Variants in LRP1B observed in about 807,000 individuals in gnomAD.
The protein encoded by LRP1B is LDL receptor related protein 1B, also known as low-density lipoprotein receptor-related protein 1B.
LRP1B carries 217 observed loss-of-function variants against 556.6 expected under a neutral mutation model. That is an observed-to-expected ratio of 0.39 (90% CI 0.35 to 0.44). The LOEUF is 0.44. LRP1B is among the 20% of genes least tolerant of loss of function. LRP1B has a pLI of 1.00. For missense variants in LRP1B, 5,053 were observed against 5,620.8 expected (o/e 0.90, Z 3.23); for synonymous variants, 2,047 against 1,865.8 (o/e 1.10, Z -2.50).
intron 29 of LRP1B, among the ~76,000 whole-genome samples, chr2:140,846,541 G>C (rs929340825): frequency 2.6e-5 from 4 of 151,886 alleles, no homozygotes; most frequent in Non-Finnish European, 5.9e-5. Context: ...TGGGAAATAA[G>C]AGCAAAACTA....
At chr2:140,775,075 T>C (rs1334027705) in intron 33 of LRP1B, among the ~76,000 whole-genome samples, 2 of 152,102 alleles carry the variant, frequency 1.3e-5, no homozygotes, top group Non-Finnish European at 2.9e-5. Flanking sequence ...AGTTATTAAT[T>C]TTTTATGAAT....
intron 84 of LRP1B, among the ~76,000 whole-genome samples, chr2:140,286,416 GC>G (rs1683155161): frequency 1.3e-5 from 2 of 151,954 alleles, no homozygotes; most frequent in East Asian, 1.9e-4. Context: ...CAATGAGAGA[GC>G]CCTTGGACAT....
intron 66 of LRP1B, among the ~76,000 whole-genome samples, chr2:140,406,378 T>G (rs1684738006): frequency 6.6e-6 from 1 of 151,928 alleles, no homozygotes. Flanking sequence ...AAAGGACATC[T>G]AAATTAGAAA....
chr2:141,284,193 A>G (rs765148746), intron 3 of LRP1B, among the ~76,000 whole-genome samples: 14 of 152,230 alleles, frequency 9.2e-5, no homozygotes, highest in Non-Finnish European at 1.8e-4. Flanking sequence ...GGACTAGCTC[A>G]CAGATGGATT....
intron 41 of LRP1B, among the ~76,000 whole-genome samples, chr2:140,686,795 TAGGA>T (rs1276504710): frequency 6.6e-6 from 1 of 151,890 alleles, no homozygotes; most frequent in East Asian, 1.9e-4. Context: ...TGTCCATCGA[TAGGA>T]AGGAAGTTTC....
chr2:140,275,823 A>G lies in LRP1B; in HGVS notation c.12968-1225T>C, dbSNP rs192867719. On this transcript the variant is annotated intron_variant, in intron 84 of 90. Transcript: ENST00000389484. ...AGCGTCACAGACGATTTTCTCAACT[A>G]GGAAGGAACACTTCACCCAAATATT... 1.4e-3 allele frequency among the ~76,000 whole-genome samples: 218 copies of G among 152,114 alleles called. 3 individuals carry two copies. The highest frequency in any genetic ancestry group is 2.0e-3 in the Non-Finnish European group (133 of 67,950).
chr2:140,989,505 T>C, intron 17 of LRP1B, 27 bp downstream of exon 17: 1 of 1,611,470 alleles, frequency 6.2e-7, no homozygotes, highest in Non-Finnish European at 8.5e-7. Context: ...GGAGGAGATT[T>C]ACGTGTATAT....
intron 7 of LRP1B, among the ~76,000 whole-genome samples, chr2:141,123,251 T>TA (rs1701111671): frequency 4.8e-5 from 7 of 144,702 alleles, no homozygotes; most frequent in South Asian, 2.2e-4. Context: ...TAAAAAAAAA[T>TA]AAATAAATAA....
intron 15 of LRP1B, among the ~76,000 whole-genome samples, chr2:140,996,044 T>A (rs1410043262): frequency 6.6e-6 from 1 of 151,950 alleles, no homozygotes; most frequent in Non-Finnish European, 1.5e-5. Flanking sequence ...AGGGATAAAA[T>A]CCTTTGTGTC....
intron 2 of LRP1B, among the ~76,000 whole-genome samples, chr2:141,751,598 T>C (rs1288637649): frequency 6.6e-6 from 1 of 152,032 alleles, no homozygotes; most frequent in Non-Finnish European, 1.5e-5. Context: ...TAAATCTAAC[T>C]ATATCACAAG....
At chr2:141,195,636 A>G (rs1033945526) in intron 6 of LRP1B, among the ~76,000 whole-genome samples, 1 of 152,158 alleles carries the variant, frequency 6.6e-6, no homozygotes, top group Admixed American at 6.6e-5. Flanking sequence ...GAAATTATCC[A>G]TCATGCAGCT....
intron 60 of LRP1B, among the ~76,000 whole-genome samples, chr2:140,474,689 G>A (rs1216906119): frequency 6.6e-6 from 1 of 151,768 alleles, no homozygotes; most frequent in Non-Finnish European, 1.5e-5. Flanking sequence ...AATTATTGTT[G>A]CTGCTGTGAT....
intron 41 of LRP1B, among the ~76,000 whole-genome samples, chr2:140,643,010 G>A (rs1684357595): frequency 6.6e-6 from 1 of 151,864 alleles, no homozygotes; most frequent in Non-Finnish European, 1.5e-5. Context: ...TGTTTTAAAG[G>A]GGTTGTGAAC....
chr2:142,029,273 C>T (rs1261329695), intron 1 of LRP1B, among the ~76,000 whole-genome samples: 1 of 151,808 alleles, frequency 6.6e-6, no homozygotes, highest in Non-Finnish European at 1.5e-5. Flanking sequence ...TATCACTGCC[C>T]ATTTGTTAGA....
chr2:140,476,112 T>C (rs941184906), intron 59 of LRP1B, among the ~76,000 whole-genome samples: 3 of 152,030 alleles, frequency 2.0e-5, no homozygotes, highest in Non-Finnish European at 4.4e-5. Context: ...CCCGATAAAA[T>C]GCAAATAACG....
intron 1 of LRP1B, among the ~76,000 whole-genome samples, chr2:141,917,016 T>A (rs1169887018): frequency 6.6e-6 from 1 of 152,176 alleles, no homozygotes; most frequent in Non-Finnish European, 1.5e-5. Flanking sequence ...CATTTAAAAA[T>A]TTTAAACCTT....
rs777407898 is a variant in LRP1B at position 141,480,765 on chromosome 2, A to T, written c.206-232T>A. ...TTTTTTCAAATAACGCATTAAAAAC[A>T]TAAATATTCTTTTCAACCATTAAAA... On this transcript the variant is annotated intron_variant, in intron 2 of 90. Coordinates refer to ENST00000389484, the MANE Select transcript of LRP1B (RefSeq NM_018557.3). Among the ~76,000 whole-genome samples, 3 of 152,342 alleles carry T rather than the reference A, an allele frequency of 2.0e-5. No individual in the cohort carries two copies. In the East Asian group the frequency reaches 5.8e-4, roughly 29 times the overall value.
At chr2:141,660,766 G>T (rs561762739) in intron 2 of LRP1B, among the ~76,000 whole-genome samples, 9 of 152,160 alleles carry the variant, frequency 5.9e-5, no homozygotes, top group African/African-American at 1.9e-4. Flanking sequence ...GAAAAATCCG[G>T]GCCGTCCAGA....
intron 7 of LRP1B, among the ~76,000 whole-genome samples, chr2:141,171,413 A>G (rs1680492757): frequency 6.6e-6 from 1 of 152,044 alleles, no homozygotes; most frequent in African/African-American, 2.4e-5. Context: ...CCTGTCCCAA[A>G]ATGTCATATA....
Sources: gnomAD v4.1 joint callset for allele counts (sites outside exome capture counted in the v4.1 genomes callset) on GRCh38, gnomAD v4.1.1 for gene constraint, MANE v1.5 for transcripts, NCBI Gene and HGNC (gene_info 2026-07-23, HGNC 2026-07-21) for gene names.